Variants in TMEM184B observed in about 807,000 individuals in gnomAD.
The protein encoded by TMEM184B is putative MAPK-activating protein FM08.
TMEM184B carries 17 observed loss-of-function variants against 41.8 expected under a neutral mutation model. The ratio of observed to expected loss-of-function variants is 0.41; its 90% confidence interval spans 0.28 to 0.61. TMEM184B has a LOEUF of 0.61. TMEM184B is among the 20% of genes least tolerant of loss of function. The pLI is 0.34. For synonymous variants in TMEM184B, 240 were observed against 229.5 expected (o/e 1.05, Z -0.41); for missense variants, 393 against 557.8 (o/e 0.70, Z 2.98).
rs199653073 is a variant in TMEM184B at position 38,224,921 on chromosome 22, G to A, written c.846C>T (p.Arg282=). The change falls in exon 8 of 9, where the codon CGC becomes CGT. Residue 282 remains arginine, a synonymous_variant. Transcript: ENST00000361906. The part of the protein sequence containing the change: ...CGAIPKIHSA[R]VSVGEGTVAA... ...CCACGGTGCCCTCGCCCACCGACAC[G>A]CGGGCCGAGTGGATTTTGGGGATGG... is the stretch of plus-strand genomic sequence containing the variant. The A allele has an allele frequency of 1.2e-5, 19 of 1,610,242 alleles. No homozygotes were observed. Among genetic ancestry groups the A allele is most frequent in the East Asian group, 4.5e-5 (2 of 44,800 alleles).
downstream of TMEM184B, among the ~76,000 whole-genome samples, chr22:38,218,418 C>T (rs925917000): frequency 6.6e-6 from 1 of 152,128 alleles, no homozygotes. Flanking sequence ...TGGGGCATTA[C>T]GTGCGAAAAA....
intron 3 of TMEM184B, among the ~76,000 whole-genome samples, chr22:38,234,600 A>G (rs1473943206): frequency 2.0e-5 from 3 of 152,044 alleles, no homozygotes; most frequent in Admixed American, 2.0e-4. Context: ...CCATGACTGA[A>G]GCTCCTGGGA....
Position 38,234,007 on chromosome 22 carries a change from G to C in TMEM184B, c.359-2673C>G, listed in dbSNP as rs532296180. Among the ~76,000 whole-genome samples, 78 of 130,724 alleles carry C rather than the reference G, an allele frequency of 6.0e-4. 1 individual carries two copies. The highest frequency in any genetic ancestry group is 5.5e-4 in the Admixed American group (7 of 12,618). 85.8% of individuals were successfully genotyped at this position (130,724 alleles called of 152,430 possible). A position where few individuals can be genotyped will look rare whatever the true frequency, so the allele number is the denominator to read the frequency against. Reference sequence around the variant, plus strand: ...TGGTCTTGAACTCCTGACCTCAGGTGATCCGCCCACCTCGGCCTCCCAAAG... The same window carrying C: ...TGGTCTTGAACTCCTGACCTCAGGTCATCCGCCCACCTCGGCCTCCCAAAG... On this transcript the variant is annotated intron_variant, in intron 3 of 8. Coordinates refer to ENST00000361906, the MANE Select transcript of TMEM184B (RefSeq NM_012264.5).
At chr22:38,260,151 G>A (rs977299863) in intron 1 of TMEM184B, among the ~76,000 whole-genome samples, 13 of 151,908 alleles carry the variant, frequency 8.6e-5, no homozygotes, top group Non-Finnish European at 1.0e-4. Flanking sequence ...CTTGTGTTCC[G>A]CCCACCTTGT....
intron 3 of TMEM184B, among the ~76,000 whole-genome samples, chr22:38,241,901 A>AAAAAAAAAAAAAAAAAAAAC (rs1223000881): frequency 6.7e-6 from 1 of 150,058 alleles, no homozygotes; most frequent in Non-Finnish European, 1.5e-5. Context: ...AAAAAAAAAA[A>AAAAAAAAAAAAAAAAAAAAC]AAAAAAGAAC....
chr22:38,221,550 G>A lies in TMEM184B; in HGVS notation c.1143C>T (p.His381=), dbSNP rs368630753. 129 of 1,613,920 alleles carry A rather than the reference G, an allele frequency of 8.0e-5. No homozygotes were observed. Among genetic ancestry groups the A allele is most frequent in the South Asian group, 2.3e-4 (21 of 91,076 alleles). Reference sequence around the variant, plus strand: ...TGAGGCTGTGGGAGCGGGAGAGGCCGTGGGCGCCACCACGCCAGGTGGGCC... The same window carrying A: ...TGAGGCTGTGGGAGCGGGAGAGGCCATGGGCGCCACCACGCCAGGTGGGCC... ...EPGPTWRGGA[H]GLSRSHSLSG... Residue 381 remains histidine, a synonymous_variant, in exon 9 of 9, where the codon CAC becomes CAT. Coordinates refer to ENST00000361906, the MANE Select transcript of TMEM184B (RefSeq NM_012264.5).
chr22:38,258,246 C>T (rs2092315481), intron 1 of TMEM184B, among the ~76,000 whole-genome samples: 1 of 151,896 alleles, frequency 6.6e-6, no homozygotes, highest in African/African-American at 2.4e-5. Context: ...GGTGCACTGT[C>T]CTGTAGCTAA....
Position 38,220,086 on chromosome 22 carries a change from T to C in TMEM184B, c.*1383A>G, listed in dbSNP as rs1017730775. 1 of 985,324 alleles carries C rather than the reference T, an allele frequency of 1.0e-6. No homozygotes were observed. The highest frequency in any genetic ancestry group is 1.7e-5 in the African/African-American group (1 of 57,210). The allele number at this position is 985,324 out of a possible 1,614,324, so 61.0% of individuals were successfully genotyped here. On this transcript the variant is annotated 3_prime_UTR_variant, in exon 9 of 9. Transcript: ENST00000361906. ...GACTGCAGCCCAAACCCAGGGATAATCTGGGTTTTAAATGCCAGGACACTT... is the reference window on the plus strand; with the variant it reads ...GACTGCAGCCCAAACCCAGGGATAACCTGGGTTTTAAATGCCAGGACACTT...
intron 8 of TMEM184B, 27 bp from the exon 9 acceptor site, chr22:38,221,737 G>T (rs921835061): frequency 6.2e-7 from 1 of 1,610,404 alleles, no homozygotes; most frequent in African/African-American, 1.3e-5. Flanking sequence ...GGGAGGGGCA[G>T]GTGAGGAGGC....
At chr22:38,241,613 C>T (rs1449905800) in intron 3 of TMEM184B, among the ~76,000 whole-genome samples, 2 of 151,490 alleles carry the variant, frequency 1.3e-5, no homozygotes, top group Non-Finnish European at 2.9e-5. Context: ...GTGCCAGGCA[C>T]GGTGCTCATG....
At position 38,219,761 on chromosome 22, in the gene TMEM184B, G is replaced by GA; in HGVS notation, c.*1707dup. Reference sequence around the variant, plus strand: ...AGCCACGGTGGAGAGACAGCTTGGTGAAAGCAGATGGCGGGGCAGGGCCAG... The same window carrying GA: ...AGCCACGGTGGAGAGACAGCTTGGTGAAAAGCAGATGGCGGGGCAGGGCCAG... On this transcript the variant is annotated 3_prime_UTR_variant, in exon 9 of 9. Coordinates refer to ENST00000361906, the MANE Select transcript of TMEM184B (RefSeq NM_012264.5). The GA allele has an allele frequency of 1.0e-5, 10 of 985,704 alleles. No individual in the cohort carries two copies. The highest frequency in any genetic ancestry group is 1.2e-5 in the Non-Finnish European group (10 of 830,098). 61.1% of individuals were successfully genotyped at this position (985,704 alleles called of 1,614,324 possible).
chr22:38,263,313 T>C (rs929523442), intron 1 of TMEM184B, among the ~76,000 whole-genome samples: 12 of 152,236 alleles, frequency 7.9e-5, no homozygotes, highest in African/African-American at 2.9e-4. Flanking sequence ...TCCAGAGGCA[T>C]CACAATCACC....
chr22:38,237,512 C>T (rs555385613), intron 3 of TMEM184B, among the ~76,000 whole-genome samples: 1 of 152,260 alleles, frequency 6.6e-6, no homozygotes, highest in East Asian at 1.9e-4. Flanking sequence ...GCCCAGCCTT[C>T]TGCTGCAGAG....
chr22:38,245,807 T>TA, intron 3 of TMEM184B, 128 bp downstream of exon 3: 2 of 969,734 alleles, frequency 2.1e-6, no homozygotes, highest in Non-Finnish European at 3.0e-6. Context: ...AGAAACCCTG[T>TA]AGTAGGTAAA....
At chr22:38,257,432 G>T (rs917123669) in intron 1 of TMEM184B, among the ~76,000 whole-genome samples, 2 of 152,166 alleles carry the variant, frequency 1.3e-5, no homozygotes, top group Non-Finnish European at 2.9e-5. Flanking sequence ...AGCCAAGGAT[G>T]CGTCTGCTCC....
intron 5 of TMEM184B, among the ~76,000 whole-genome samples, chr22:38,227,402 G>A (rs953359518): frequency 6.6e-6 from 1 of 152,142 alleles, no homozygotes; most frequent in Non-Finnish European, 1.5e-5. Context: ...GAGATGGGCA[G>A]GGCCAGGTCC....
Position 38,226,694 on chromosome 22 carries a change from A to T in TMEM184B, c.617+85T>A. The T allele has an allele frequency of 3.6e-6, 5 of 1,385,784 alleles. No individual in the cohort carries two copies. Among genetic ancestry groups the T allele is most frequent in the Non-Finnish European group, 5.0e-6 (5 of 1,005,022 alleles). The allele number at this position is 1,385,784 out of a possible 1,614,324, so 85.8% of individuals were successfully genotyped here. ...CCAGGAAGGTCATGGCTGTGCGGCCACTCTGGCTGCCCCCTTCCCTGAGCC... is the reference window on the plus strand; with the variant it reads ...CCAGGAAGGTCATGGCTGTGCGGCCTCTCTGGCTGCCCCCTTCCCTGAGCC... On this transcript the variant is annotated intron_variant, in intron 6 of 8. Transcript: ENST00000361906. This position sits in a 1 kb window ranked among gnomAD's most constrained non-coding sequence, Gnocchi z 4.6.
intron 3 of TMEM184B, among the ~76,000 whole-genome samples, chr22:38,244,130 G>A (rs1281605157): frequency 6.6e-6 from 1 of 152,126 alleles, no homozygotes; most frequent in Non-Finnish European, 1.5e-5. Context: ...ATGGGCTCCT[G>A]TTGGGCGCCT....
intron 3 of TMEM184B, among the ~76,000 whole-genome samples, chr22:38,242,483 A>C (rs2091934231): frequency 6.6e-6 from 1 of 152,130 alleles, no homozygotes; most frequent in Admixed American, 6.5e-5. Flanking sequence ...GTCTCTAAAA[A>C]AAAAAGAAAA....
Sources: allele counts gnomAD v4.1 joint callset (sites outside exome capture counted in the v4.1 genomes callset), GRCh38; gene constraint gnomAD v4.1.1; non-coding constraint Gnocchi (gnomAD v3.1); transcripts MANE v1.5; gene names NCBI Gene and HGNC (gene_info 2026-07-23, HGNC 2026-07-21).